Variants in GATM observed in about 807,000 individuals in gnomAD.
The protein encoded by GATM is glycine amidinotransferase.
GATM carries 23 observed loss-of-function variants against 54.2 expected under a neutral mutation model. The observed-to-expected ratio is 0.42, with a 90% CI of 0.31 to 0.60. GATM has a LOEUF of 0.60. GATM is among the 20% of genes least tolerant of loss of function. The probability of loss-of-function intolerance (pLI) is 0.14; values close to 1 mark genes in which losing one functional copy is unlikely to be tolerated. For missense variants in GATM, 401 were observed against 544.9 expected (o/e 0.74, Z 2.63); for synonymous variants, 168 against 183.1 (o/e 0.92, Z 0.67).
At chr15:45,388,304 A>G (rs1889828263) in intron 3 of GATM, among the ~76,000 whole-genome samples, 1 of 152,210 alleles carries the variant, frequency 6.6e-6, no homozygotes, top group African/African-American at 2.4e-5. Flanking sequence ...GAAAAGTTAC[A>G]AAGATAGTAC....
intron 6 of GATM, 112 bp from the exon 7 acceptor site, chr15:45,364,972 A>C: frequency 1.2e-6 from 1 of 833,852 alleles, no homozygotes; most frequent in Non-Finnish European, 1.9e-6. Context: ...CTGTCTTCTC[A>C]GCTTCCAAAA....
At chr15:45,377,729 G>A (rs1464687317) in intron 1 of GATM, 1 of 165,138 alleles carries the variant, frequency 6.1e-6, no homozygotes, top group African/African-American at 2.4e-5. Flanking sequence ...ATGTCGGAGC[G>A]ATTCCAGTAC....
Position 45,376,616 on chromosome 15 carries a change from G to A in GATM, c.273C>T (p.Phe91=). 1 of 1,614,134 alleles carries A rather than the reference G, an allele frequency of 6.2e-7. No individual in the cohort carries two copies. The highest frequency in any genetic ancestry group is 1.1e-5 in the South Asian group (1 of 91,070). ...GRAENACVPP[F]TIEVKANTYE... is the part of the protein sequence containing the mutation. Reference sequence around the variant, plus strand: ...CTTCCTTTACCTTCACCTCGATGGTGAACGGTGGAACACAGGCGTTTTCTG... The same window carrying A: ...CTTCCTTTACCTTCACCTCGATGGTAAACGGTGGAACACAGGCGTTTTCTG... The change falls in exon 2 of 9, where the codon TTC becomes TTT. Residue 91 remains phenylalanine, a synonymous_variant. Coordinates refer to ENST00000396659, the MANE Select transcript of GATM (RefSeq NM_001482.3).
chr15:45,370,848 G>A (rs1292437721), intron 2 of GATM, among the ~76,000 whole-genome samples: 1 of 152,162 alleles, frequency 6.6e-6, no homozygotes, highest in East Asian at 1.9e-4. Context: ...TCAGCTCACT[G>A]CAACCTCCGC....
rs749794843 is a variant in GATM at position 45,368,282 on chromosome 15, T to C, written c.485-22A>G. On this transcript the variant is annotated intron_variant, in intron 3 of 8. Coordinates refer to ENST00000396659, the MANE Select transcript of GATM (RefSeq NM_001482.3). This position sits in a 1 kb window ranked among gnomAD's most constrained non-coding sequence, Gnocchi z 5.1. ...AAACCTGTCAGACCAAAAAATTCCA[T>C]GACAACTTCAGTAGTGTTAATTTCC... 1.6e-5 allele frequency: 25 copies of C among 1,608,830 alleles called. No homozygotes were observed. The highest frequency in any genetic ancestry group is 7.7e-6 in the Non-Finnish European group (9 of 1,176,396).
upstream of GATM, among the ~76,000 whole-genome samples, chr15:45,382,235 A>G (rs1889749943): frequency 6.6e-6 from 1 of 152,196 alleles, no homozygotes; most frequent in African/African-American, 2.4e-5. Context: ...ATATCCCTCA[A>G]AACTATTCAC....
intron 8 of GATM, among the ~76,000 whole-genome samples, chr15:45,362,917 A>C (rs1313280939): frequency 6.6e-6 from 1 of 152,352 alleles, no homozygotes; most frequent in East Asian, 1.9e-4. Context: ...TTTTGAGAGG[A>C]GGATAGGCTA....
chr15:45,377,211 C>A (rs1279371622), intron 1 of GATM: 1 of 489,994 alleles, frequency 2.0e-6, no homozygotes, highest in Admixed American at 2.1e-5. Flanking sequence ...TCCCGCCAGT[C>A]TCAGCTGGGG....
upstream of GATM, among the ~76,000 whole-genome samples, chr15:45,382,625 T>C (rs1393257804): frequency 1.3e-5 from 2 of 151,778 alleles, no homozygotes; most frequent in Non-Finnish European, 2.9e-5. Context: ...AAACCCCGTC[T>C]CTACTAAAAA....
At chr15:45,377,082 G>C in intron 1 of GATM, 1 of 500,428 alleles carries the variant, frequency 2.0e-6, no homozygotes, top group Non-Finnish European at 3.7e-6. Context: ...CGTGTCCCCA[G>C]CTACCATACA....
chr15:45,379,066 C>G (rs1889697489), upstream of GATM: 1 of 152,138 alleles, frequency 6.6e-6, no homozygotes, highest in Non-Finnish European at 1.5e-5. Context: ...CAGTGCTTTC[C>G]TTCCAGTACC....
intron 3 of GATM, among the ~76,000 whole-genome samples, chr15:45,387,924 A>G (rs1371328060): frequency 3.3e-5 from 5 of 152,170 alleles, no homozygotes; most frequent in Admixed American, 1.3e-4. Flanking sequence ...TTGATTTTAT[A>G]CTCTGGGAAT....
chr15:45,379,604 GAAC>G (rs1358511773), upstream of GATM: 2 of 152,176 alleles, frequency 1.3e-5, no homozygotes, highest in Non-Finnish European at 2.9e-5. Context: ...TGCAAAGTGA[GAAC>G]AATAGAATTT....
chr15:45,364,746 T>A lies in GATM; in HGVS notation c.1042+51A>T, dbSNP rs753980396. The A allele has an allele frequency of 6.0e-6, 9 of 1,502,112 alleles. No homozygotes were observed. The Admixed American group carries it at 1.5e-4, about 25-fold the overall frequency. 93.0% of individuals were successfully genotyped at this position (1,502,112 alleles called of 1,614,324 possible). A position where few individuals can be genotyped will look rare whatever the true frequency, so the allele number is the denominator to read the frequency against. ...CTGCTCTCTATAGGAGAAAGATCCT[T>A]GGTCACTAAAGTAATTATTTTAGTC... On this transcript the variant is annotated intron_variant, in intron 7 of 8. Transcript: ENST00000396659.
chr15:45,393,370 T>A (rs1889891911), intron 3 of GATM, among the ~76,000 whole-genome samples: 1 of 152,062 alleles, frequency 6.6e-6, no homozygotes, highest in African/African-American at 2.4e-5. Flanking sequence ...TGTGTGAACT[T>A]GGGAAAGCTA....
rs571747027 is a variant in GATM, at chr15:45,371,109, G to C, written c.289-1588C>G. 1.4e-4 allele frequency among the ~76,000 whole-genome samples: 22 copies of C among 152,286 alleles called. No individual in the cohort carries two copies. The South Asian group carries it at 4.6e-3, about 32-fold the overall frequency. ...TTTCAAAAATGTAAAAATCTAGACA[G>C]ATTCTGCATTCAGATTGTTTTCCAA... is the stretch of plus-strand genomic sequence containing the variant. On this transcript the variant is annotated intron_variant, in intron 2 of 8. Coordinates refer to ENST00000396659, the MANE Select transcript of GATM (RefSeq NM_001482.3).
chr15:45,388,981 A>C (rs1221663544), intron 3 of GATM, among the ~76,000 whole-genome samples: 1 of 152,238 alleles, frequency 6.6e-6, no homozygotes. Flanking sequence ...TAGTTTGATA[A>C]GTAATAATTT....
chr15:45,380,767 C>CATA (rs1889730225), upstream of GATM, among the ~76,000 whole-genome samples: 3 of 152,218 alleles, frequency 2.0e-5, no homozygotes, highest in South Asian at 6.2e-4. Context: ...AGCCAAAGAG[C>CATA]ATACCCTTAT....
chr15:45,383,182 C>G (rs1164400490), upstream of GATM, among the ~76,000 whole-genome samples: 1 of 152,214 alleles, frequency 6.6e-6, no homozygotes, highest in Non-Finnish European at 1.5e-5. Flanking sequence ...ACTTTGCAGT[C>G]TTTGATTTCA....
Sources: gnomAD v4.1 joint callset for allele counts (sites outside exome capture counted in the v4.1 genomes callset) on GRCh38, gnomAD v4.1.1 for gene constraint, Gnocchi (gnomAD v3.1) non-coding constraint, MANE v1.5 for transcripts, NCBI Gene and HGNC (gene_info 2026-07-23, HGNC 2026-07-21) for gene names.